The following PPARGC1A variants were observed in gnomAD, a reference collection of about 807,000 sequenced individuals.
PPARGC1A encodes PPARG coactivator 1 alpha.
PPARGC1A carries 25 observed loss-of-function variants against 88.7 expected under a neutral mutation model. The ratio of observed to expected loss-of-function variants is 0.28; its 90% confidence interval spans 0.21 to 0.39. PPARGC1A has a LOEUF of 0.39. PPARGC1A is among the 10% of genes least tolerant of loss of function. The pLI, the probability that PPARGC1A is intolerant of heterozygous loss-of-function variation, is 1.00. For synonymous variants in PPARGC1A, 363 were observed against 355.6 expected, an observed-to-expected ratio of 1.02 and a Z score of -0.24; for missense variants, 880 against 968.7, an observed-to-expected ratio of 0.91 and a Z score of 1.22.
the PPARGC1A span, among the ~76,000 whole-genome samples, chr4:24,179,401 A>T: frequency 6.6e-6 from 1 of 152,042 alleles, no homozygotes; most frequent in Non-Finnish European, 1.5e-5. Context: ...TGGCCTTGGG[A>T]CTTGCTTTGA....
the PPARGC1A span, among the ~76,000 whole-genome samples, chr4:24,150,170 A>G: frequency 6.6e-6 from 1 of 152,158 alleles, no homozygotes; most frequent in Non-Finnish European, 1.5e-5. Context: ...TCACGAACTG[A>G]AGAGACACAC....
the PPARGC1A span, among the ~76,000 whole-genome samples, chr4:24,207,440 T>C: frequency 1.3e-5 from 2 of 152,218 alleles, no homozygotes; most frequent in South Asian, 2.1e-4. Context: ...TTGAAGAACA[T>C]ACTTCAGCAA....
chr4:24,417,948 A>G, the PPARGC1A span, among the ~76,000 whole-genome samples: 1 of 152,044 alleles, frequency 6.6e-6, no homozygotes, highest in South Asian at 2.1e-4. Context: ...CTATATGGCT[A>G]TAAGACTAAC....
the PPARGC1A span, among the ~76,000 whole-genome samples, chr4:23,937,757 G>T: frequency 2.0e-5 from 3 of 152,084 alleles, no homozygotes; most frequent in Non-Finnish European, 4.4e-5. Flanking sequence ...CTCCACCAGG[G>T]ACAGAAATGA....
the PPARGC1A span, among the ~76,000 whole-genome samples, chr4:24,085,280 C>T: frequency 9.9e-5 from 15 of 152,196 alleles, no homozygotes; most frequent in African/African-American, 2.6e-4. Context: ...AACCATGATT[C>T]GGCTTTATTT....
the PPARGC1A span, among the ~76,000 whole-genome samples, chr4:24,127,538 T>TATAC: frequency 5.9e-5 from 9 of 151,544 alleles, no homozygotes; most frequent in African/African-American, 1.9e-4. Context: ...TATATATATA[T>TATAC]ACACACACAC....
At chr4:24,284,992 C>T in the PPARGC1A span, among the ~76,000 whole-genome samples, 1 of 151,848 alleles carries the variant, frequency 6.6e-6, no homozygotes, top group South Asian at 2.1e-4. Context: ...CGGGCCACTG[C>T]ACTACAGCCT....
At chr4:24,104,611 G>A in the PPARGC1A span, among the ~76,000 whole-genome samples, 1 of 152,156 alleles carries the variant, frequency 6.6e-6, no homozygotes, top group African/African-American at 2.4e-5. Flanking sequence ...AATTCAGAGA[G>A]AGAGCTGACA....
At chr4:24,246,971 A>T in the PPARGC1A span, among the ~76,000 whole-genome samples, 11 of 105,482 alleles carry the variant, frequency 1.0e-4, no homozygotes, top group Non-Finnish European at 1.5e-4. Context: ...AGCCACGCCA[A>T]ACCAATTAGA....
chr4:24,366,623 T>C, the PPARGC1A span, among the ~76,000 whole-genome samples: 2 of 152,132 alleles, frequency 1.3e-5, no homozygotes, highest in Non-Finnish European at 2.9e-5. Context: ...GTTTGGGACG[T>C]TCCAAAGTCC....
At chr4:24,446,288 T>C in the PPARGC1A span, among the ~76,000 whole-genome samples, 1 of 152,176 alleles carries the variant, frequency 6.6e-6, no homozygotes, top group Non-Finnish European at 1.5e-5. Flanking sequence ...AGATGTGAGG[T>C]GGTATCTCAT....
At chr4:23,890,227 A>C, upstream of PPARGC1A, 6 of 492,414 alleles carry the variant, frequency 1.2e-5, no homozygotes, top group Non-Finnish European at 1.9e-5. Flanking sequence ...TAAAAAAAAA[A>C]AAAAAGAAAG....
At position 23,812,852 on chromosome 4, in the gene PPARGC1A, C is replaced by G. The variant is rs946230017; in HGVS notation, c.1914G>C (p.Glu638Asp). The G allele has an allele frequency of 6.2e-7, 1 of 1,613,984 alleles. No individual in the cohort carries two copies. The highest frequency in any genetic ancestry group is 8.5e-7 in the Non-Finnish European group (1 of 1,180,002). ...YSRRPRYDSY[E>D]EYQHERLKRE... Reference sequence around the variant, plus strand: ...TCTTCAGCCTCTCGTGCTGATATTCCTCGTAGCTGTCATACCTGGGAAACA... The same window carrying G: ...TCTTCAGCCTCTCGTGCTGATATTCGTCGTAGCTGTCATACCTGGGAAACA... Residue 638 changes from glutamate (E) to aspartate (D), a missense_variant, in exon 10 of 13, where the codon GAG (glutamate) becomes GAC (aspartate). By Grantham distance (45) the Glu-to-Asp change is conservative. Transcript: ENST00000264867.
chr4:24,257,440 C>A, the PPARGC1A span, among the ~76,000 whole-genome samples: 1 of 152,116 alleles, frequency 6.6e-6, no homozygotes, highest in African/African-American at 2.4e-5. Context: ...ATGTAGCTGG[C>A]CAATCTATGG....
At chr4:23,822,898 A>G (rs1040953687) in intron 7 of PPARGC1A, among the ~76,000 whole-genome samples, 6 of 152,062 alleles carry the variant, frequency 3.9e-5, no homozygotes, top group Non-Finnish European at 8.8e-5. Flanking sequence ...TACAGCTATT[A>G]CAATCACACT....
the PPARGC1A span, among the ~76,000 whole-genome samples, chr4:24,104,510 A>C: frequency 6.6e-6 from 1 of 152,156 alleles, no homozygotes; most frequent in African/African-American, 2.4e-5. Flanking sequence ...AGGCAAAGCA[A>C]AGGGAGAAGA....
At chr4:24,386,534 T>G in the PPARGC1A span, among the ~76,000 whole-genome samples, 9 of 152,164 alleles carry the variant, frequency 5.9e-5, no homozygotes, top group Non-Finnish European at 1.2e-4. Context: ...AATAAGCAAC[T>G]TCAGCAAATT....
At chr4:23,822,999 C>A (rs1001008475) in intron 7 of PPARGC1A, among the ~76,000 whole-genome samples, 9 of 151,970 alleles carry the variant, frequency 5.9e-5, no homozygotes, top group African/African-American at 1.9e-4. Context: ...TGCTACTTAT[C>A]AATGTGTCTC....
At chr4:23,919,198 A>G in the PPARGC1A span, among the ~76,000 whole-genome samples, 1 of 152,184 alleles carries the variant, frequency 6.6e-6, no homozygotes, top group Non-Finnish European at 1.5e-5. Context: ...GCATACTCCT[A>G]GCTATATCAA....
Sources: gnomAD v4.1 joint callset for allele counts (sites outside exome capture counted in the v4.1 genomes callset) on GRCh38, gnomAD v4.1.1 for gene constraint, MANE v1.5 for transcripts, NCBI Gene and HGNC (gene_info 2026-07-23, HGNC 2026-07-21) for gene names.